Variants in B3GALT1 observed in about 807,000 individuals in gnomAD.
The protein encoded by B3GALT1 is UDP-Gal:betaGlcNAc beta 1,3-galactosyltransferase, polypeptide 1.
B3GALT1 carries 10 observed loss-of-function variants against 23.2 expected under a neutral mutation model. The observed-to-expected ratio is 0.43, with a 90% confidence interval of 0.27 to 0.73. B3GALT1 has a LOEUF of 0.73. Ranked by LOEUF, B3GALT1 falls within the 30% of genes least tolerant of loss-of-function variation. B3GALT1 has a pLI of 0.21. For missense variants in B3GALT1, 299 were observed against 405.4 expected (o/e 0.74, Z 2.25); for synonymous variants, 156 against 141.5 (o/e 1.10, Z -0.73).
rs116385409 is a variant in B3GALT1, at chr2:167,505,115, G to A, written c.-410+14838G>A. Among the ~76,000 whole-genome samples the A allele has an allele frequency of 5.3e-3, 809 of 152,144 alleles. 5 individuals are homozygous for A. The highest frequency in any genetic ancestry group is 0.019 in the African/African-American group (784 of 41,514). On this transcript the variant is annotated intron_variant, in intron 2 of 4. Coordinates refer to ENST00000392690, the MANE Select transcript of B3GALT1 (RefSeq NM_020981.4). Reference sequence around the variant, plus strand: ...TGTATAATAAATACAAAGGAATATGGGTGAATCTATGTATACAAAGGATGT... The same window carrying A: ...TGTATAATAAATACAAAGGAATATGAGTGAATCTATGTATACAAAGGATGT...
intron 3 of B3GALT1, among the ~76,000 whole-genome samples, chr2:167,811,478 A>G (rs959736866): frequency 3.3e-5 from 5 of 152,216 alleles, no homozygotes; most frequent in East Asian, 1.9e-4. Context: ...GTGCTCATCA[A>G]TAAAAACCTA....
At chr2:167,620,284 A>G (rs1685232936) in intron 2 of B3GALT1, among the ~76,000 whole-genome samples, 1 of 152,108 alleles carries the variant, frequency 6.6e-6, no homozygotes, top group Non-Finnish European at 1.5e-5. Context: ...ACCCATAAAT[A>G]CAAAGAGAAG....
At chr2:167,481,919 T>C (rs1386483362) in intron 1 of B3GALT1, among the ~76,000 whole-genome samples, 1 of 152,206 alleles carries the variant, frequency 6.6e-6, no homozygotes, top group Non-Finnish European at 1.5e-5. Context: ...TTTAAAATCC[T>C]TTTTTTGAAG....
intron 4 of B3GALT1, among the ~76,000 whole-genome samples, chr2:167,836,329 T>C (rs1196586866): frequency 2.0e-5 from 3 of 151,962 alleles, no homozygotes; most frequent in African/African-American, 7.3e-5. Context: ...GAGAAGTGCT[T>C]AAAGGAGCTG....
chr2:167,862,804 G>A (rs534220685), intron 4 of B3GALT1: 1 of 152,306 alleles, frequency 6.6e-6, no homozygotes, highest in South Asian at 2.1e-4. Context: ...GCAGTTTCTA[G>A]GAGAAATACG....
At chr2:167,637,437 G>T (rs1453886689) in intron 2 of B3GALT1, among the ~76,000 whole-genome samples, 1 of 151,926 alleles carries the variant, frequency 6.6e-6, no homozygotes, top group African/African-American at 2.4e-5. Flanking sequence ...CATAGAACAT[G>T]TCATGATCAA....
At chr2:167,641,806 T>C (rs946155275) in intron 2 of B3GALT1, among the ~76,000 whole-genome samples, 2 of 152,190 alleles carry the variant, frequency 1.3e-5, no homozygotes, top group African/African-American at 4.8e-5. Context: ...CTTTCCTGTC[T>C]ACTCTTTCTC....
At position 167,487,783 on chromosome 2, in the gene B3GALT1, G is replaced by T. The variant is rs1399132401; in HGVS notation, c.-510-2394G>T. Among the ~76,000 whole-genome samples, 11 of 152,054 alleles carry T rather than the reference G, an allele frequency of 7.2e-5. 1 individual carries two copies. Among genetic ancestry groups the T allele is most frequent in the Admixed American group, 7.2e-4 (11 of 15,248 alleles). On this transcript the variant is annotated intron_variant, in intron 1 of 4. Transcript: ENST00000392690. ...TGAAAGCATTTTATATTGGAAAACG[G>T]GTCTATTTGTGGTTATACTTTGTTT...
chr2:167,474,254 G>A (rs1426040949), intron 1 of B3GALT1, among the ~76,000 whole-genome samples: 1 of 152,160 alleles, frequency 6.6e-6, no homozygotes, highest in East Asian at 1.9e-4. Flanking sequence ...TAATTGACTT[G>A]ACGTCTGGTG....
At chr2:167,801,797 A>G (rs1688643004) in intron 3 of B3GALT1, among the ~76,000 whole-genome samples, 1 of 152,242 alleles carries the variant, frequency 6.6e-6, no homozygotes, top group South Asian at 2.1e-4. Context: ...TTGTGGGGAA[A>G]GAATTTCAAG....
intron 1 of B3GALT1, among the ~76,000 whole-genome samples, chr2:167,337,060 GGAC>G (rs1295881332): frequency 1.3e-5 from 2 of 152,132 alleles, no homozygotes; most frequent in East Asian, 3.9e-4. Flanking sequence ...GTCAGGGTGT[GGAC>G]AAGCCAGGGC....
chr2:167,713,667 C>G (rs2105520609), intron 3 of B3GALT1: 1 of 1,384,254 alleles, frequency 7.2e-7, no homozygotes, highest in Non-Finnish European at 1.0e-6. Flanking sequence ...AGATTTCTTG[C>G]TGTGGTTCTG....
chr2:167,568,668 G>T (rs1173494251), intron 2 of B3GALT1, among the ~76,000 whole-genome samples: 1 of 151,822 alleles, frequency 6.6e-6, no homozygotes, highest in African/African-American at 2.4e-5. Context: ...TTTTCTCCCA[G>T]TCTGTGACTT....
At chr2:167,668,298 G>A (rs1406990326) in intron 3 of B3GALT1, among the ~76,000 whole-genome samples, 1 of 152,124 alleles carries the variant, frequency 6.6e-6, no homozygotes, top group Non-Finnish European at 1.5e-5. Flanking sequence ...TGAGGAGGCA[G>A]TTTGCCCGTT....
intron 2 of B3GALT1, among the ~76,000 whole-genome samples, chr2:167,639,332 T>C (rs915051480): frequency 8.6e-5 from 13 of 152,006 alleles, no homozygotes; most frequent in Non-Finnish European, 1.6e-4. Context: ...TGATACCTGG[T>C]TTGCCTGTGA....
At chr2:167,668,396 A>G (rs12998990) in intron 3 of B3GALT1, among the ~76,000 whole-genome samples, 2,053 of 152,222 alleles carry the variant, frequency 0.013, 25 homozygotes, top group Non-Finnish European at 0.022. Context: ...GGTTACTGCT[A>G]TCTTTTGTTT....
chr2:167,307,311 A>G (rs1696566177), intron 1 of B3GALT1, among the ~76,000 whole-genome samples: 1 of 152,030 alleles, frequency 6.6e-6, no homozygotes, highest in South Asian at 2.1e-4. Context: ...AATGCATTTT[A>G]TATCATAGCC....
chr2:167,401,414 T>C, intron 1 of B3GALT1, among the ~76,000 whole-genome samples: 1 of 152,100 alleles, frequency 6.6e-6, no homozygotes, highest in Non-Finnish European at 1.5e-5. Context: ...AGTTCCACAT[T>C]GGGTCCTTCT....
At chr2:167,514,713 G>C (rs561092167) in intron 2 of B3GALT1, among the ~76,000 whole-genome samples, 25 of 152,256 alleles carry the variant, frequency 1.6e-4, no homozygotes, top group Non-Finnish European at 2.8e-4. Flanking sequence ...GTAGACTTTA[G>C]AATCAAGCAG....
Sources: allele counts gnomAD v4.1 joint callset (sites outside exome capture counted in the v4.1 genomes callset), GRCh38; gene constraint gnomAD v4.1.1; transcripts MANE v1.5; gene names NCBI Gene and HGNC (gene_info 2026-07-23, HGNC 2026-07-21).